The following PDZK1 variants were observed in gnomAD, a reference collection of about 807,000 sequenced individuals.
The protein encoded by PDZK1 is PDZ domain containing 1.
PDZK1 carries 23 observed loss-of-function variants against 38.1 expected under a neutral mutation model. The observed-to-expected ratio is 0.60, with a 90% confidence interval of 0.43 to 0.85. The LOEUF (loss-of-function observed/expected upper bound fraction) is 0.85, where lower values mean the gene tolerates loss of function less well. Among genes scored for constraint, PDZK1 ranks in the 40% least tolerant of loss-of-function variants. PDZK1 has a pLI of 0.00. For missense variants in PDZK1, 297 were observed against 504.3 expected, an observed-to-expected ratio of 0.59 and a Z score of 3.94; for synonymous variants, 98 against 186.2, an observed-to-expected ratio of 0.53 and a Z score of 3.86.
intron 1 of PDZK1, among the ~76,000 whole-genome samples, chr1:145,703,197 C>T (rs147669605): frequency 4.6e-5 from 7 of 152,262 alleles, no homozygotes; most frequent in African/African-American, 1.7e-4. Context: ...TTTCAGTTAT[C>T]GCTCATGTAC....
intron 1 of PDZK1, among the ~76,000 whole-genome samples, chr1:145,702,689 C>T (rs1020386722): frequency 6.6e-5 from 10 of 152,210 alleles, no homozygotes; most frequent in South Asian, 4.2e-4. Context: ...GTCAGGAGAT[C>T]GAGACCATCC....
chr1:145,693,555 A>G (rs1655409819), intron 1 of PDZK1, among the ~76,000 whole-genome samples: 1 of 152,028 alleles, frequency 6.6e-6, no homozygotes, highest in Non-Finnish European at 1.5e-5. Context: ...CAGGCAGATC[A>G]CAAGGTCAGG....
chr1:145,691,486 A>C (rs1655232464), intron 1 of PDZK1, among the ~76,000 whole-genome samples: 1 of 152,202 alleles, frequency 6.6e-6, no homozygotes, highest in African/African-American at 2.4e-5. Context: ...ACTCTTTCCT[A>C]CTTCTTTAAC....
chr1:145,697,227 T>C (rs1655677220), intron 1 of PDZK1, among the ~76,000 whole-genome samples: 1 of 151,804 alleles, frequency 6.6e-6, no homozygotes, highest in South Asian at 2.1e-4. Context: ...CTTGGGAGGC[T>C]GAGGCAGGAG....
At position 145,672,663 on chromosome 1, in the gene PDZK1, A is replaced by G. The variant is rs1201626773; in HGVS notation, c.1506+67T>C. 7 of 1,578,104 alleles carry G rather than the reference A, an allele frequency of 4.4e-6. No homozygotes were observed. The South Asian group carries it at 4.5e-5, about 10-fold the overall frequency. On this transcript the variant is annotated intron_variant, in intron 8 of 8. Coordinates refer to ENST00000417171, the MANE Select transcript of PDZK1 (RefSeq NM_001201325.2). ...TCTGTGGCAAACATAGACATTAAAT[A>G]TACTCATAGGGACTGTACCCATACT...
intron 6 of PDZK1, among the ~76,000 whole-genome samples, chr1:145,677,025 G>A (rs587618982): frequency 1.6e-3 from 249 of 152,244 alleles, no homozygotes; most frequent in Middle Eastern, 0.01. Context: ...TACAACTAAG[G>A]AAACTGAAGC....
intron 2 of PDZK1, among the ~76,000 whole-genome samples, chr1:145,687,002 C>T (rs1277031855): frequency 6.6e-6 from 1 of 152,102 alleles, no homozygotes; most frequent in Non-Finnish European, 1.5e-5. Flanking sequence ...GAGAGGAGCG[C>T]TGCCCTAGAT....
chr1:145,696,000 A>G (rs933192414), intron 1 of PDZK1, among the ~76,000 whole-genome samples: 17 of 152,194 alleles, frequency 1.1e-4, no homozygotes, highest in Non-Finnish European at 1.9e-4. Context: ...GGTGTGCAGC[A>G]CCCAGTGTCA....
At chr1:145,696,186 T>C (rs1476004276) in intron 1 of PDZK1, among the ~76,000 whole-genome samples, 3 of 152,256 alleles carry the variant, frequency 2.0e-5, no homozygotes, top group African/African-American at 7.2e-5. Context: ...TGGGCTCCTC[T>C]TAGTCCAGGG....
chr1:145,704,160 G>T (rs1434314581), intron 1 of PDZK1, among the ~76,000 whole-genome samples: 1 of 152,110 alleles, frequency 6.6e-6, no homozygotes, highest in Non-Finnish European at 1.5e-5. Context: ...AGGCACCACA[G>T]CCCCTTTCTG....
chr1:145,673,227 A>G (rs1256632090), intron 7 of PDZK1, among the ~76,000 whole-genome samples: 1 of 152,192 alleles, frequency 6.6e-6, no homozygotes, highest in Non-Finnish European at 1.5e-5. Flanking sequence ...TAGTGGTATT[A>G]TAAATAGTGG....
At chr1:145,683,619 G>A (rs1178164267) in intron 3 of PDZK1, among the ~76,000 whole-genome samples, 1 of 151,986 alleles carries the variant, frequency 6.6e-6, no homozygotes. Flanking sequence ...TTAACCATGG[G>A]GGATACATTC....
chr1:145,676,327 CT>C (rs1553699252), intron 6 of PDZK1: 1 of 182,108 alleles, frequency 5.5e-6, no homozygotes, highest in Non-Finnish European at 1.0e-5. Context: ...TTCTGCTTGA[CT>C]TTCCACCAAC....
intron 1 of PDZK1, among the ~76,000 whole-genome samples, chr1:145,702,966 G>C (rs907507760): frequency 6.6e-6 from 1 of 152,124 alleles, no homozygotes; most frequent in Non-Finnish European, 1.5e-5. Context: ...CAGGCCCCCA[G>C]CTCCTCAGCA....
intron 1 of PDZK1, among the ~76,000 whole-genome samples, chr1:145,706,972 G>A (rs1275551631): frequency 2.6e-5 from 4 of 151,968 alleles, no homozygotes; most frequent in Admixed American, 2.0e-4. Flanking sequence ...GGGCATATCC[G>A]CCTGGTTACC....
intron 6 of PDZK1, chr1:145,676,068 C>T (rs1553699181): frequency 5.5e-6 from 1 of 181,756 alleles, no homozygotes; most frequent in Non-Finnish European, 1.0e-5. Flanking sequence ...AATTGGGTGT[C>T]TAGTATGTGC....
intron 1 of PDZK1, among the ~76,000 whole-genome samples, chr1:145,694,332 C>G (rs1281366351): frequency 6.6e-6 from 1 of 152,188 alleles, no homozygotes; most frequent in Admixed American, 6.5e-5. Context: ...TTGCTCCCTA[C>G]CAATCTCTTC....
At chr1:145,702,011 G>A (rs1162655313) in intron 1 of PDZK1, among the ~76,000 whole-genome samples, 1 of 152,204 alleles carries the variant, frequency 6.6e-6, no homozygotes, top group African/African-American at 2.4e-5. Flanking sequence ...TTTGCCTAGT[G>A]TACTTTCCCA....
rs187978483 is a variant in PDZK1, at chr1:145,671,152, A to G, written c.*284T>C. ...GTAGAAGTAAGAGACATCATCATACAGAGAAATGTAGTTAAGTTAAGTTGA... is the reference window on the plus strand; with the variant it reads ...GTAGAAGTAAGAGACATCATCATACGGAGAAATGTAGTTAAGTTAAGTTGA... On this transcript the variant is annotated 3_prime_UTR_variant, in exon 9 of 9. Coordinates refer to ENST00000417171, the MANE Select transcript of PDZK1 (RefSeq NM_001201325.2). 38 of 872,522 alleles carry G rather than the reference A, an allele frequency of 4.4e-5. No individual in the cohort carries two copies. In the African/African-American group the frequency reaches 6.4e-4, roughly 15 times the overall value. 54.0% of individuals were successfully genotyped at this position (872,522 alleles called of 1,614,324 possible).
Sources: allele counts gnomAD v4.1 joint callset (sites outside exome capture counted in the v4.1 genomes callset), GRCh38; gene constraint gnomAD v4.1.1; transcripts MANE v1.5; gene names NCBI Gene and HGNC (gene_info 2026-07-23, HGNC 2026-07-21).